Variants in TCOF1 observed in about 807,000 individuals in gnomAD.
TCOF1 encodes treacle protein.
A neutral mutation model predicts 149.0 loss-of-function variants in TCOF1; 33 were observed. The observed-to-expected ratio is 0.22, with a 90% CI of 0.17 to 0.30. The LOEUF (loss-of-function observed/expected upper bound fraction) is 0.30. Ranked by LOEUF, TCOF1 falls within the 10% of genes least tolerant of loss-of-function variation. The pLI, the probability that TCOF1 is intolerant of heterozygous loss-of-function variation, is 1.00. For synonymous variants in TCOF1, 789 were observed against 738.8 expected, an observed-to-expected ratio of 1.07 and a Z score of -1.10; for missense variants, 1,728 against 1,840.7, an observed-to-expected ratio of 0.94 and a Z score of 1.12.
In TCOF1 at chr5:150,367,827, ATG is replaced by A. The variant is rs751737569; in HGVS notation, c.305-15_305-14del. 11 of 1,613,894 alleles carry A rather than the reference ATG, an allele frequency of 6.8e-6. No individual in the cohort carries two copies. Among genetic ancestry groups the A allele is most frequent in the Non-Finnish European group, 9.3e-6 (11 of 1,179,970 alleles). The stretch of plus-strand genomic sequence containing the variant: ...AAAGCTCATCTGGCTCCTTTAGCAG[ATG>A]TTTGTTTCTTGCAGCCCCAAGACTA... On this transcript the variant is annotated splice_polypyrimidine_tract_variant and intron_variant, in intron 3 of 26. Coordinates refer to ENST00000643257, the MANE Select transcript of TCOF1 (RefSeq NM_001371623.1).
intron 17 of TCOF1, among the ~76,000 whole-genome samples, chr5:150,382,376 T>G (rs1465781783): frequency 3.9e-5 from 6 of 152,220 alleles, no homozygotes; most frequent in Non-Finnish European, 8.8e-5. Context: ...GGAGGCAGCC[T>G]GCAGTGTGCA....
rs57777218 is a variant in TCOF1, at chr5:150,394,916, CAA to C, written c.3785-1343_3785-1342del. The stretch of plus-strand genomic sequence containing the variant: ...TGGGCAACAGAGCAAAACTCTGTCT[CAA>C]AAAAAAAAAAAAAAAAAAAAAAGGC... On this transcript the variant is annotated intron_variant, in intron 23 of 26. Coordinates refer to ENST00000643257, the MANE Select transcript of TCOF1 (RefSeq NM_001371623.1). 5.0e-3 allele frequency: 362 copies of C among 71,876 alleles called. 2 individuals carry two copies. The highest frequency in any genetic ancestry group is 0.014 in the African/African-American group (255 of 17,842). 4.5% of individuals were successfully genotyped at this position (71,876 alleles called of 1,614,324 possible). A position where few individuals can be genotyped will look rare whatever the true frequency, so the allele number is the denominator to read the frequency against.
chr5:150,388,121 G>A, intron 18 of TCOF1, 33 bp downstream of exon 18: 2 of 1,611,708 alleles, frequency 1.2e-6, no homozygotes, highest in Middle Eastern at 3.5e-4. Context: ...GGTGGGAGGG[G>A]CTGCCAGCAC....
In TCOF1 at chr5:150,396,373, G is replaced by A; in HGVS notation, c.3876G>A (p.Leu1292=). The change falls in exon 24 of 27, where the codon CTG becomes CTA. Residue 1292 remains leucine, a synonymous_variant. Coordinates refer to ENST00000643257, the MANE Select transcript of TCOF1 (RefSeq NM_001371623.1). ...ACCCCCAAGCCTCAACCCTGGCGCT[G>A]CAAAGCAACATCACCCAGTGCCTCC... ...AGNPQASTLA[L]QSNITQCLLG... The A allele has an allele frequency of 6.2e-7, 1 of 1,613,974 alleles. No homozygotes were observed. Among genetic ancestry groups the A allele is most frequent in the East Asian group, 2.2e-5 (1 of 44,864 alleles).
At chr5:150,367,598 A>G in intron 3 of TCOF1, 1 of 517,318 alleles carries the variant, frequency 1.9e-6, no homozygotes, top group East Asian at 3.6e-5. Context: ...GCTGCGGGGG[A>G]GTTGGGAATC....
chr5:150,360,240 G>A (rs1392919196), intron 1 of TCOF1, among the ~76,000 whole-genome samples: 1 of 152,206 alleles, frequency 6.6e-6, no homozygotes, highest in Non-Finnish European at 1.5e-5. Context: ...CAGTCCACCC[G>A]TGCCCCACAT....
Position 150,396,380 on chromosome 5 carries a change from A to G in TCOF1, c.3883A>G (p.Asn1295Asp). The G allele has an allele frequency of 6.2e-7, 1 of 1,614,022 alleles. No homozygotes were observed. The change falls in exon 24 of 27, where the codon AAC becomes GAC. Residue 1295 changes from asparagine to aspartate, a missense_variant. Physicochemically the swap from Asn to Asp is conservative, Grantham distance 23. Coordinates refer to ENST00000643257, the MANE Select transcript of TCOF1 (RefSeq NM_001371623.1). ...AGCCTCAACCCTGGCGCTGCAAAGC[A>G]ACATCACCCAGTGCCTCCTGGGCCA... Reference protein sequence around the residue: ...PQASTLALQSNITQCLLGQPW... With the variant: ...PQASTLALQSDITQCLLGQPW...
At chr5:150,373,229 TG>T (rs1762940933) in intron 7 of TCOF1, among the ~76,000 whole-genome samples, 1 of 152,040 alleles carries the variant, frequency 6.6e-6, no homozygotes, top group Non-Finnish European at 1.5e-5. Context: ...TGTGTGTGTG[TG>T]TGTGTATAGA....
In TCOF1 at chr5:150,396,856, T is replaced by A; in HGVS notation, c.4345+14T>A. 2 of 1,580,460 alleles carry A rather than the reference T, an allele frequency of 1.3e-6. No individual in the cohort carries two copies. The highest frequency in any genetic ancestry group is 1.7e-6 in the Non-Finnish European group (2 of 1,164,078). On this transcript the variant is annotated intron_variant, in intron 24 of 26. Coordinates refer to ENST00000643257, the MANE Select transcript of TCOF1 (RefSeq NM_001371623.1). ...AATCCGACAAGAGTGAGTGACCGCT[T>A]CTCCCAGCCCACCCCAAGGGCTGCT...
rs903547062 is a variant in TCOF1 at position 150,379,900 on chromosome 5, C to G, written c.2859+168C>G. On this transcript the variant is annotated intron_variant, in intron 17 of 26. Coordinates refer to ENST00000643257, the MANE Select transcript of TCOF1 (RefSeq NM_001371623.1). ...CAGCCTGGCCAACATGGTGAAACCC[C>G]GTCTCTACTAAAAATATAAAAATTA... The G allele has an allele frequency of 7.8e-6, 6 of 769,730 alleles. No individual in the cohort carries two copies. The Admixed American group carries it at 1.1e-4, about 14-fold the overall frequency. The allele number at this position is 769,730 out of a possible 1,614,324, so 47.7% of individuals were successfully genotyped here. A position where few individuals can be genotyped will look rare whatever the true frequency, so the allele number is the denominator to read the frequency against.
chr5:150,396,163 C>T, intron 23 of TCOF1, 119 bp from the exon 24 acceptor site: 2 of 1,169,648 alleles, frequency 1.7e-6, no homozygotes, highest in Non-Finnish European at 2.6e-6. Flanking sequence ...CTTGCTCTCC[C>T]CATCTGTGCC....
Position 150,383,267 on chromosome 5 carries a change from C to T in TCOF1, c.2859+3535C>T, listed in dbSNP as rs12652711. Reference sequence around the variant, plus strand: ...CAGATCTTGCCCATAGGGAAAATCTCGCCATATTTAAACAGCACCTCACAG... The same window carrying T: ...CAGATCTTGCCCATAGGGAAAATCTTGCCATATTTAAACAGCACCTCACAG... On this transcript the variant is annotated intron_variant, in intron 17 of 26. Coordinates refer to ENST00000643257, the MANE Select transcript of TCOF1 (RefSeq NM_001371623.1). The T allele has an allele frequency of 1.6e-5, 17 of 1,093,804 alleles. No individual in the cohort carries two copies. In the East Asian group the frequency reaches 1.6e-4, roughly 10 times the overall value. 67.8% of individuals were successfully genotyped at this position (1,093,804 alleles called of 1,614,324 possible). A position where few individuals can be genotyped will look rare whatever the true frequency, so the allele number is the denominator to read the frequency against.
In TCOF1 at chr5:150,374,282, G is replaced by A; in HGVS notation, c.979G>A (p.Ala327Thr). ...ACCCCCTGGGAAGGCAGGGGCTGTAGCCTCCCAGACCAAGGCAGGGAAGCC... is the reference window on the plus strand; with the variant it reads ...ACCCCCTGGGAAGGCAGGGGCTGTAACCTCCCAGACCAAGGCAGGGAAGCC... ...PAPPGKAGAV[A>T]SQTKAGKPEE... The change falls in exon 8 of 27, where the codon GCC becomes ACC. Residue 327 changes from alanine (A) to threonine (T), a missense_variant. Ala to Thr is a moderately conservative substitution (Grantham distance 58, BLOSUM62 0). Around this residue, in one of 2 missense-constraint regions of TCOF1, gnomAD observed 1,696 missense variants for 1,765.4 expected, o/e 0.96. Coordinates refer to ENST00000643257, the MANE Select transcript of TCOF1 (RefSeq NM_001371623.1). 5.0e-6 allele frequency: 8 copies of A among 1,597,918 alleles called. No homozygotes were observed. Among genetic ancestry groups the A allele is most frequent in the Non-Finnish European group, 6.8e-6 (8 of 1,171,628 alleles).
intron 1 of TCOF1, among the ~76,000 whole-genome samples, chr5:150,359,813 C>T (rs1366088263): frequency 2.0e-5 from 3 of 152,060 alleles, no homozygotes; most frequent in Non-Finnish European, 4.4e-5. Flanking sequence ...ATAGTATATC[C>T]AATGATAGTT....
intron 2 of TCOF1, among the ~76,000 whole-genome samples, chr5:150,361,734 G>A (rs1760143567): frequency 1.3e-5 from 2 of 152,302 alleles, no homozygotes; most frequent in African/African-American, 4.8e-5. Flanking sequence ...GGTGATCTTT[G>A]ACTTGAGAGC....
At chr5:150,361,925 A>G (rs1359276392) in intron 2 of TCOF1, among the ~76,000 whole-genome samples, 5 of 152,180 alleles carry the variant, frequency 3.3e-5, no homozygotes, top group African/African-American at 4.8e-5. Context: ...GTCTTTATCC[A>G]AGAGCAGTGG....
intron 23 of TCOF1, chr5:150,394,864 C>G (rs1441127501): frequency 6.7e-6 from 1 of 148,778 alleles, no homozygotes. Flanking sequence ...TTGCAGTGAG[C>G]CGAGATTGCA....
intron 1 of TCOF1, among the ~76,000 whole-genome samples, chr5:150,359,235 T>C (rs750957835): frequency 6.6e-6 from 1 of 151,118 alleles, no homozygotes; most frequent in Non-Finnish European, 1.5e-5. Flanking sequence ...TAGTCCCAGT[T>C]ACTCGGGAGG....
At chr5:150,373,150 T>C (rs1384149998) in intron 7 of TCOF1, among the ~76,000 whole-genome samples, 1 of 152,074 alleles carries the variant, frequency 6.6e-6, no homozygotes, top group East Asian at 1.9e-4. Flanking sequence ...GCGGCAATCA[T>C]AGCTCACTGC....
Sources: allele counts gnomAD v4.1 joint callset (sites outside exome capture counted in the v4.1 genomes callset), GRCh38; gene constraint gnomAD v4.1.1; regional missense constraint gnomAD v4.1.1; transcripts MANE v1.5; gene names NCBI Gene and HGNC (gene_info 2026-07-23, HGNC 2026-07-21).